The following RPAP2 variants were observed in gnomAD, a reference collection of about 807,000 sequenced individuals.
RPAP2 encodes the protein RNA polymerase II associated protein 2.
In RPAP2, 52 loss-of-function variants were observed where a neutral mutation model predicts 73.1. That is an observed-to-expected ratio of 0.71 (90% CI 0.57 to 0.90). The LOEUF is 0.90. Among genes scored for constraint, RPAP2 ranks in the 40% least tolerant of loss-of-function variants. The pLI, the probability that RPAP2 is intolerant of heterozygous loss-of-function variation, is 0.00. For missense variants in RPAP2, 598 were observed against 701.8 expected (o/e 0.85, Z 1.67); for synonymous variants, 225 against 242.1 (o/e 0.93, Z 0.65).
Position 92,323,443 on chromosome 1 carries a change from A to G in RPAP2, c.525-2A>G. 6.4e-7 allele frequency: 1 copy of G among 1,566,820 alleles called. No individual in the cohort carries two copies. Among genetic ancestry groups the G allele is most frequent in the Non-Finnish European group, 8.7e-7 (1 of 1,155,822 alleles). On this transcript the variant is annotated splice_acceptor_variant, in intron 7 of 12. Coordinates refer to ENST00000610020, the MANE Select transcript of RPAP2 (RefSeq NM_024813.3). LOFTEE classifies it high-confidence loss of function. Reference sequence around the variant, plus strand: ...TTATTTTATTTCTCTTTCATTCTACAGTGGCCATTCTGGAGAAGAAGTACA... The same window carrying G: ...TTATTTTATTTCTCTTTCATTCTACGGTGGCCATTCTGGAGAAGAAGTACA...
Position 92,336,406 on chromosome 1 carries a change from A to G in RPAP2, c.1598A>G (p.Lys533Arg). 6.2e-7 allele frequency: 1 copy of G among 1,608,670 alleles called. No homozygotes were observed. The highest frequency in any genetic ancestry group is 1.7e-4 in the Middle Eastern group (1 of 5,988). ...ITLGDIYTQL[K>R]NLVRTFRLTN... The stretch of plus-strand genomic sequence containing the variant: ...TTGGGAGATATTTACACACAACTTA[A>G]AAATCTTGTTCGAACTTTCAGGTTA... Residue 533 changes from lysine (K) to arginine (R), a missense_variant, in exon 10 of 13, where the codon AAA becomes AGA. Physicochemically the swap from Lys to Arg is conservative, Grantham distance 26. Coordinates refer to ENST00000610020, the MANE Select transcript of RPAP2 (RefSeq NM_024813.3).
intron 11 of RPAP2, among the ~76,000 whole-genome samples, chr1:92,349,932 A>G (rs908197793): frequency 6.6e-6 from 1 of 152,198 alleles, no homozygotes; most frequent in Admixed American, 6.5e-5. Context: ...ATCTCAAATA[A>G]TAATAATAAT....
chr1:92,348,184 C>T (rs12755781), intron 11 of RPAP2, among the ~76,000 whole-genome samples: 39,573 of 152,138 alleles, frequency 0.26, 6,538 homozygotes, highest in Non-Finnish European at 0.35. Context: ...CCACTGCATC[C>T]GGCCTAGGGC....
rs1042207961 is a variant in RPAP2 at position 92,394,492 on chromosome 1, A to T, written c.*7481A>T. The T allele has an allele frequency of 1.3e-5, 2 of 152,086 alleles. No individual in the cohort carries two copies. The highest frequency in any genetic ancestry group is 4.8e-5 in the African/African-American group (2 of 41,408). The allele number at this position is 152,086 out of a possible 1,614,324, so 9.4% of individuals were successfully genotyped here. On this transcript the variant is annotated 3_prime_UTR_variant, in exon 13 of 13. Transcript: ENST00000610020. ...AGTATAATAAAAAAAATAATTATTA[A>T]ATTTTAAAAAACTAGCCAGGCATGG...
At chr1:92,302,583 G>A (rs1340838913) in intron 3 of RPAP2, among the ~76,000 whole-genome samples, 13 of 128,490 alleles carry the variant, frequency 1.0e-4, no homozygotes, top group Non-Finnish European at 1.6e-5. Context: ...ATTAAATTCC[G>A]CATTAAATTT....
At position 92,376,882 on chromosome 1, in the gene RPAP2, T is replaced by G. The variant is rs143749896; in HGVS notation, c.1689-3842T>G. On this transcript the variant is annotated intron_variant, in intron 11 of 12. Transcript: ENST00000610020. ...CTGCTACTTACTATCTTTGTGAACTTGGGGAAGATACTTCTATTTTTTATG... is the reference window on the plus strand; with the variant it reads ...CTGCTACTTACTATCTTTGTGAACTGGGGGAAGATACTTCTATTTTTTATG... Among the ~76,000 whole-genome samples the G allele has an allele frequency of 2.0e-5, 3 of 152,330 alleles. No individual in the cohort carries two copies. The East Asian group carries it at 5.8e-4, about 29-fold the overall frequency.
In RPAP2 at chr1:92,392,946, C is replaced by T. The variant is rs1165902116; in HGVS notation, c.*5935C>T. The T allele has an allele frequency of 6.6e-6, 1 of 152,158 alleles. No homozygotes were observed. Among genetic ancestry groups the T allele is most frequent in the Non-Finnish European group, 1.5e-5 (1 of 68,032 alleles). The allele number at this position is 152,158 out of a possible 1,614,324, so 9.4% of individuals were successfully genotyped here. A position where few individuals can be genotyped will look rare whatever the true frequency, so the allele number is the denominator to read the frequency against. On this transcript the variant is annotated 3_prime_UTR_variant, in exon 13 of 13. Transcript: ENST00000610020. Reference sequence around the variant, plus strand: ...ATTCAATGCTATCCCCATCAAGCTACCACTAACTTTCTTCACAGAATTGGA... The same window carrying T: ...ATTCAATGCTATCCCCATCAAGCTATCACTAACTTTCTTCACAGAATTGGA...
chr1:92,364,003 A>G (rs528456747), intron 11 of RPAP2, among the ~76,000 whole-genome samples: 11 of 152,150 alleles, frequency 7.2e-5, no homozygotes, highest in Non-Finnish European at 1.6e-4. Context: ...CAGATTTTCA[A>G]CTGCATGGGG....
At chr1:92,315,896 G>A (rs369929951) in intron 6 of RPAP2, among the ~76,000 whole-genome samples, 1 of 152,186 alleles carries the variant, frequency 6.6e-6, no homozygotes, top group South Asian at 2.1e-4. Context: ...GGTCTGGGTC[G>A]TGACGCACTG....
intron 8 of RPAP2, among the ~76,000 whole-genome samples, chr1:92,326,194 T>C (rs763394142): frequency 2.0e-5 from 3 of 152,152 alleles, no homozygotes; most frequent in African/African-American, 4.8e-5. Flanking sequence ...GTACTTGATA[T>C]AGTTAGTTTT....
chr1:92,371,869 G>A (rs1263662508), intron 11 of RPAP2, among the ~76,000 whole-genome samples: 1 of 135,388 alleles, frequency 7.4e-6, no homozygotes, highest in African/African-American at 2.8e-5. Context: ...TCCATCCTGG[G>A]TGACAGTGAG....
In RPAP2 at chr1:92,400,768, T is replaced by G. The variant is rs2101478173; in HGVS notation, c.*13757T>G. 1.3e-5 allele frequency: 2 copies of G among 152,372 alleles called. No individual in the cohort carries two copies. The highest frequency in any genetic ancestry group is 4.8e-5 in the African/African-American group (2 of 41,588). The allele number at this position is 152,372 out of a possible 1,614,324, so 9.4% of individuals were successfully genotyped here. On this transcript the variant is annotated 3_prime_UTR_variant, in exon 13 of 13. Coordinates refer to ENST00000610020, the MANE Select transcript of RPAP2 (RefSeq NM_024813.3). ...GTTTGGAAAAAGAACTCTGTGGCTT[T>G]AGGAATTTCTCTCGGAAATCCTCTA...
chr1:92,373,408 G>A (rs1160360224), intron 11 of RPAP2, among the ~76,000 whole-genome samples: 1 of 152,114 alleles, frequency 6.6e-6, no homozygotes, highest in Non-Finnish European at 1.5e-5. Context: ...AAACTTTTAT[G>A]AGATAGTTTT....
chr1:92,336,213 A>C, intron 9 of RPAP2, 134 bp from the exon 10 acceptor site: 3 of 636,978 alleles, frequency 4.7e-6, no homozygotes, highest in Non-Finnish European at 5.6e-6. Flanking sequence ...ATCATAACCT[A>C]GGTTAACCTT....
chr1:92,335,404 G>A lies in RPAP2; in HGVS notation c.1539-943G>A, dbSNP rs532021239. 2.6e-5 allele frequency among the ~76,000 whole-genome samples: 4 copies of A among 152,078 alleles called. No homozygotes were observed. The South Asian group carries it at 8.3e-4, about 32-fold the overall frequency. ...TTAAAAAGAAGCTTAAAAAAATAAA[G>A]TAACACATACTTTAGAAAATGAGGC... is the stretch of plus-strand genomic sequence containing the variant. On this transcript the variant is annotated intron_variant, in intron 9 of 12. Transcript: ENST00000610020.
rs1280732383 is a variant in RPAP2 at position 92,398,599 on chromosome 1, T to G, written c.*11588T>G. ...AAGCACATTTTTGTTGGACTGAGGG[T>G]GGGGCAAGGAGCAGGGGTGACTTTC... is the stretch of plus-strand genomic sequence containing the variant. On this transcript the variant is annotated 3_prime_UTR_variant, in exon 13 of 13. Coordinates refer to ENST00000610020, the MANE Select transcript of RPAP2 (RefSeq NM_024813.3). 6.6e-6 allele frequency: 1 copy of G among 152,120 alleles called. No homozygotes were observed. The highest frequency in any genetic ancestry group is 1.5e-5 in the Non-Finnish European group (1 of 68,048). The allele number at this position is 152,120 out of a possible 1,614,324, so 9.4% of individuals were successfully genotyped here. A position where few individuals can be genotyped will look rare whatever the true frequency, so the allele number is the denominator to read the frequency against.
At position 92,393,159 on chromosome 1, in the gene RPAP2, G is replaced by C. The variant is rs1055708676; in HGVS notation, c.*6148G>C. 6.6e-6 allele frequency: 1 copy of C among 152,044 alleles called. No individual in the cohort carries two copies. Among genetic ancestry groups the C allele is most frequent in the Non-Finnish European group, 1.5e-5 (1 of 67,984 alleles). 9.4% of individuals were successfully genotyped at this position (152,044 alleles called of 1,614,324 possible). A position where few individuals can be genotyped will look rare whatever the true frequency, so the allele number is the denominator to read the frequency against. On this transcript the variant is annotated 3_prime_UTR_variant, in exon 13 of 13. Coordinates refer to ENST00000610020, the MANE Select transcript of RPAP2 (RefSeq NM_024813.3). ...TGCAGACGAATGGAACAGAATGGAG[G>C]CCTCAGAAATAACACCACACGTCTA...
At chr1:92,308,922 T>C (rs760498346) in intron 6 of RPAP2, among the ~76,000 whole-genome samples, 46 of 151,992 alleles carry the variant, frequency 3.0e-4, no homozygotes, top group Admixed American at 5.2e-4. Context: ...ATCGTGCTGC[T>C]GAACTCTAGC....
Position 92,388,247 on chromosome 1 carries a change from A to G in RPAP2, c.*1236A>G, listed in dbSNP as rs1475529003. On this transcript the variant is annotated 3_prime_UTR_variant, in exon 13 of 13. Transcript: ENST00000610020. ...TAAGACTTGTATAACGAAAACTATA[A>G]AACATTCAAGAGGGCTGGGCATGGT... 6.6e-6 allele frequency: 1 copy of G among 152,214 alleles called. No homozygotes were observed. The highest frequency in any genetic ancestry group is 2.4e-5 in the African/African-American group (1 of 41,460). 9.4% of individuals were successfully genotyped at this position (152,214 alleles called of 1,614,324 possible).
Sources: gnomAD v4.1 joint callset for allele counts (sites outside exome capture counted in the v4.1 genomes callset) on GRCh38, gnomAD v4.1.1 for gene constraint, MANE v1.5 for transcripts, NCBI Gene and HGNC (gene_info 2026-07-23, HGNC 2026-07-21) for gene names.